Variants in RCC1L observed in about 807,000 individuals in gnomAD.
RCC1L encodes the protein RCC1-like G exchanging factor-like protein.
Under a neutral mutation model 58.6 loss-of-function variants are expected in RCC1L, and 46 were observed. That is an observed-to-expected ratio of 0.79 (90% CI 0.62 to 1.00). The LOEUF (loss-of-function observed/expected upper bound fraction) is 1.00, where lower values mean the gene tolerates loss of function less well. Ranked by LOEUF, RCC1L falls within the 50% of genes least tolerant of loss-of-function variation. The probability of loss-of-function intolerance (pLI) is 0.00; values close to 1 mark genes in which losing one functional copy is unlikely to be tolerated. For synonymous variants in RCC1L, 281 were observed against 262.9 expected, an observed-to-expected ratio of 1.07 and a Z score of -0.67; for missense variants, 636 against 623.6, an observed-to-expected ratio of 1.02 and a Z score of -0.21.
At chr7:75,072,886 G>A (rs1554446350) in intron 1 of RCC1L, among the ~76,000 whole-genome samples, 1 of 152,132 alleles carries the variant, frequency 6.6e-6, no homozygotes, top group Non-Finnish European at 1.5e-5. Flanking sequence ...GCTGCAGTGA[G>A]CTATGATGAC....
At chr7:75,061,086 A>G (rs1255842545) in intron 6 of RCC1L, 121 bp downstream of exon 6, 18 of 851,346 alleles carry the variant, frequency 2.1e-5, no homozygotes, top group East Asian at 1.5e-4. Context: ...TCAGAAAGTG[A>G]TAAGAGGTAA....
At chr7:75,044,134 C>T (rs1188797761) in intron 10 of RCC1L, among the ~76,000 whole-genome samples, 6 of 152,138 alleles carry the variant, frequency 3.9e-5, no homozygotes, top group East Asian at 1.9e-4. Flanking sequence ...TCTATAGCCT[C>T]GCCATGGAAA....
intron 10 of RCC1L, among the ~76,000 whole-genome samples, chr7:75,035,460 G>A (rs1034944078): frequency 6.6e-6 from 1 of 152,172 alleles, no homozygotes; most frequent in Non-Finnish European, 1.5e-5. Context: ...AGAGTGTGTT[G>A]TAGATTAAAT....
chr7:75,066,258 T>C (rs1374538819), intron 3 of RCC1L, among the ~76,000 whole-genome samples: 1 of 151,948 alleles, frequency 6.6e-6, no homozygotes, highest in African/African-American at 2.4e-5. Context: ...GAGACCATCC[T>C]GGCTAACATG....
chr7:75,060,123 T>C (rs1389456067), intron 6 of RCC1L, among the ~76,000 whole-genome samples: 3 of 152,308 alleles, frequency 2.0e-5, no homozygotes, highest in African/African-American at 4.8e-5. Context: ...TAGAATCCTA[T>C]AGTATGTAGC....
chr7:75,032,765 G>A (rs930366005), intron 10 of RCC1L, among the ~76,000 whole-genome samples: 5 of 152,068 alleles, frequency 3.3e-5, no homozygotes, highest in African/African-American at 4.8e-5. Context: ...CCTGTCGCTC[G>A]GGCCTTCAGA....
chr7:75,042,088 A>AC, downstream of RCC1L: 1 of 761,060 alleles, frequency 1.3e-6, no homozygotes, highest in Non-Finnish European at 1.6e-6. Context: ...CTATAAAAGT[A>AC]TTTTTCACTG....
rs587651690 is a variant in RCC1L, at chr7:75,068,041, C to T, written c.455-1249G>A. Among the ~76,000 whole-genome samples, 67 of 152,034 alleles carry T rather than the reference C, an allele frequency of 4.4e-4. No homozygotes were observed. The South Asian group carries it at 0.013, about 29-fold the overall frequency. On this transcript the variant is annotated intron_variant, in intron 2 of 10. Transcript: ENST00000610322. ...AAGGTATAAAAAATGTAACGCGGGCCGGGCACGGTGGGTCACGCCTGTAAT... is the reference window on the plus strand; with the variant it reads ...AAGGTATAAAAAATGTAACGCGGGCTGGGCACGGTGGGTCACGCCTGTAAT...
rs890125796 is a variant in RCC1L, at chr7:75,032,038, A to G, written c.1318-3959T>C. 3.9e-5 allele frequency among the ~76,000 whole-genome samples: 6 copies of G among 152,348 alleles called. No homozygotes were observed. In the East Asian group the frequency reaches 7.7e-4, roughly 20 times the overall value. On this transcript the variant is annotated intron_variant, in intron 10 of 10. Coordinates refer to the RCC1L transcript ENST00000614461. ...AAGTGTTATTTTTATTCCTAGCCAC[A>G]TAATTCACACGCCGTTGCCTCTACC... is the stretch of plus-strand genomic sequence containing the variant.
Position 75,055,962 on chromosome 7 carries a change from G to A in RCC1L, c.1170C>T (p.Phe390=). The A allele has an allele frequency of 3.7e-6, 6 of 1,613,970 alleles. No homozygotes were observed. The highest frequency in any genetic ancestry group is 4.2e-6 in the Non-Finnish European group (5 of 1,179,870). ...IPPTLFGLTE[F]NPEIQVSRIR... Reference sequence around the variant, plus strand: ...TGCGGGAAACCTGGATTTCTGGGTTGAACTCCGTCAAGCCAAAGAGAGTGG... The same window carrying A: ...TGCGGGAAACCTGGATTTCTGGGTTAAACTCCGTCAAGCCAAAGAGAGTGG... Residue 390 remains phenylalanine (F), a synonymous_variant, in exon 9 of 11, where the codon TTC becomes TTT. Transcript: ENST00000610322.
At chr7:75,054,295 G>A (rs1417783496) in intron 9 of RCC1L, among the ~76,000 whole-genome samples, 1 of 152,066 alleles carries the variant, frequency 6.6e-6, no homozygotes, top group Non-Finnish European at 1.5e-5. Context: ...TTCCCAGATG[G>A]CTATCTGCAA....
chr7:75,055,528 T>C (rs1584495839), intron 9 of RCC1L: 1 of 330,828 alleles, frequency 3.0e-6, no homozygotes, highest in East Asian at 7.7e-5. Flanking sequence ...GGGAATGGGA[T>C]TAAGCCCCAC....
intron 2 of RCC1L, among the ~76,000 whole-genome samples, chr7:75,069,600 C>T (rs182385614): frequency 1.3e-5 from 2 of 152,208 alleles, no homozygotes; most frequent in East Asian, 3.9e-4. Context: ...CTCACTCTGT[C>T]ACCCAAGCTG....
chr7:75,058,408 T>C (rs1806152316), intron 7 of RCC1L, among the ~76,000 whole-genome samples, 180 bp downstream of exon 7: 1 of 151,686 alleles, frequency 6.6e-6, no homozygotes, highest in Non-Finnish European at 1.5e-5. Context: ...TTTGTATTTT[T>C]TTGGTAGAGA....
At chr7:75,031,529 C>A (rs1255766817) in intron 10 of RCC1L, among the ~76,000 whole-genome samples, 1 of 145,774 alleles carries the variant, frequency 6.9e-6, no homozygotes, top group Non-Finnish European at 1.5e-5. Flanking sequence ...AAAAAAAAAA[C>A]GATGCTGGCT....
intron 5 of RCC1L, among the ~76,000 whole-genome samples, chr7:75,061,610 C>T (rs1806281695): frequency 1.3e-5 from 2 of 152,144 alleles, no homozygotes; most frequent in African/African-American, 4.8e-5. Flanking sequence ...TTCACAGCTT[C>T]CAGCCTTGCT....
intron 10 of RCC1L, among the ~76,000 whole-genome samples, chr7:75,033,668 C>G (rs2131968417): frequency 1.3e-5 from 2 of 151,242 alleles, no homozygotes; most frequent in South Asian, 4.2e-4. Flanking sequence ...GCACTCCAGC[C>G]TGGGCAACAG....
At chr7:75,034,913 CAA>C (rs1805404179) in intron 10 of RCC1L, among the ~76,000 whole-genome samples, 1 of 152,174 alleles carries the variant, frequency 6.6e-6, no homozygotes, top group South Asian at 2.1e-4. Flanking sequence ...CCCAGCCTCC[CAA>C]AGTGTTGGGA....
intron 10 of RCC1L, among the ~76,000 whole-genome samples, chr7:75,051,329 C>CACACACATATATAT (rs1554443347): frequency 4.4e-4 from 64 of 143,844 alleles, no homozygotes; most frequent in African/African-American, 1.5e-3. Flanking sequence ...TATATACACA[C>CACACACATATATAT]ACACACACAT....
Sources: allele counts gnomAD v4.1 joint callset (sites outside exome capture counted in the v4.1 genomes callset), GRCh38; gene constraint gnomAD v4.1.1; transcripts MANE v1.5; gene names NCBI Gene and HGNC (gene_info 2026-07-23, HGNC 2026-07-21).